The following LINGO2 variants were observed in gnomAD, a reference collection of about 807,000 sequenced individuals.
LINGO2 encodes the protein leucine rich repeat and Ig domain containing 2.
In LINGO2, 14 loss-of-function variants were observed where a neutral mutation model predicts 30.6. That is an observed-to-expected ratio of 0.46 (90% confidence interval 0.30 to 0.72). The LOEUF (loss-of-function observed/expected upper bound fraction) is 0.72, where lower values mean the gene tolerates loss of function less well. Ranked by LOEUF, LINGO2 falls within the 30% of genes least tolerant of loss-of-function variation. The pLI, the probability that LINGO2 is intolerant of heterozygous loss-of-function variation, is 0.07. For missense variants in LINGO2, 729 were observed against 751.7 expected (o/e 0.97, Z 0.35); for synonymous variants, 317 against 288.5 (o/e 1.10, Z -1.00).
At chr9:28,037,318 A>C (rs1426010224) in intron 4 of LINGO2, among the ~76,000 whole-genome samples, 1 of 152,170 alleles carries the variant, frequency 6.6e-6, no homozygotes, top group Non-Finnish European at 1.5e-5. Context: ...ATCTCTTGCC[A>C]TTTCTAGACT....
At chr9:28,140,477 A>G (rs920713504) in intron 4 of LINGO2, among the ~76,000 whole-genome samples, 20 of 152,294 alleles carry the variant, frequency 1.3e-4, no homozygotes, top group Admixed American at 7.2e-4. Context: ...CACACACATC[A>G]TTTAAACCTA....
the LINGO2 span, among the ~76,000 whole-genome samples, chr9:29,137,276 C>T: frequency 6.6e-6 from 1 of 152,102 alleles, no homozygotes; most frequent in Non-Finnish European, 1.5e-5. Flanking sequence ...CAGTAATTTG[C>T]AGGATAGGTT....
chr9:29,014,962 C>T, the LINGO2 span, among the ~76,000 whole-genome samples: 1 of 152,168 alleles, frequency 6.6e-6, no homozygotes, highest in East Asian at 1.9e-4. Flanking sequence ...CTTCCATTGG[C>T]TCTTCTGTTA....
At chr9:28,546,004 T>C (rs1469994106) in intron 1 of LINGO2, among the ~76,000 whole-genome samples, 1 of 152,098 alleles carries the variant, frequency 6.6e-6, no homozygotes, top group Non-Finnish European at 1.5e-5. Flanking sequence ...CTAAGTATTC[T>C]TCACATATTA....
chr9:28,503,991 CT>C (rs940341416), intron 1 of LINGO2, among the ~76,000 whole-genome samples: 4 of 151,898 alleles, frequency 2.6e-5, no homozygotes, highest in Admixed American at 1.3e-4. Context: ...GTGGATACTT[CT>C]TTAACTGCCT....
At chr9:28,958,681 A>G in the LINGO2 span, among the ~76,000 whole-genome samples, 4 of 151,972 alleles carry the variant, frequency 2.6e-5, no homozygotes, top group South Asian at 2.1e-4. Context: ...TGTGAGGTAC[A>G]CTGCAAATGA....
the LINGO2 span, among the ~76,000 whole-genome samples, chr9:29,092,715 A>G: frequency 7.3e-6 from 1 of 137,136 alleles, no homozygotes; most frequent in African/African-American, 2.7e-5. Flanking sequence ...TTAGCATTTA[A>G]AGTTCAAAGT....
At chr9:27,969,577 T>G (rs1258502156) in intron 5 of LINGO2, among the ~76,000 whole-genome samples, 1 of 152,116 alleles carries the variant, frequency 6.6e-6, no homozygotes, top group African/African-American at 2.4e-5. Context: ...TCATTACCAT[T>G]TTGTAGATAA....
the LINGO2 span, among the ~76,000 whole-genome samples, chr9:29,014,938 C>G: frequency 7.2e-5 from 11 of 152,114 alleles, no homozygotes; most frequent in Non-Finnish European, 1.3e-4. Context: ...AAAGGAGACC[C>G]TTTCTAAGAA....
At chr9:29,057,585 AC>A in the LINGO2 span, among the ~76,000 whole-genome samples, 2 of 152,232 alleles carry the variant, frequency 1.3e-5, no homozygotes, top group East Asian at 3.9e-4. Flanking sequence ...GGAGACAGAG[AC>A]TGAGTTTGGG....
At chr9:28,743,142 T>C in the LINGO2 span, among the ~76,000 whole-genome samples, 1 of 152,064 alleles carries the variant, frequency 6.6e-6, no homozygotes, top group South Asian at 2.1e-4. Context: ...TAGTTTTCTA[T>C]GAGTATCTTC....
the LINGO2 span, among the ~76,000 whole-genome samples, chr9:29,212,777 T>C: frequency 2.6e-5 from 4 of 152,152 alleles, no homozygotes; most frequent in Non-Finnish European, 5.9e-5. Context: ...CACCGGCTAC[T>C]CCCTGACTTG....
the LINGO2 span, among the ~76,000 whole-genome samples, chr9:29,191,626 G>A: frequency 0.26 from 39,181 of 151,762 alleles, 5,325 homozygotes; most frequent in East Asian, 0.45. Context: ...ATGAAAACAC[G>A]AAACATTCTG....
At chr9:28,224,281 G>T (rs1472779547) in intron 4 of LINGO2, among the ~76,000 whole-genome samples, 4 of 152,122 alleles carry the variant, frequency 2.6e-5, no homozygotes, top group Admixed American at 2.6e-4. Context: ...AGCCAGGATG[G>T]TCTCGATCTC....
chr9:28,137,124 A>T (rs187010901), intron 4 of LINGO2, among the ~76,000 whole-genome samples: 2 of 151,746 alleles, frequency 1.3e-5, no homozygotes, highest in East Asian at 3.9e-4. Flanking sequence ...GGGACATCTC[A>T]GCCTTTATAA....
the LINGO2 span, among the ~76,000 whole-genome samples, chr9:28,775,075 T>C: frequency 6.6e-6 from 1 of 152,112 alleles, no homozygotes; most frequent in African/African-American, 2.4e-5. Context: ...TGTGTGCGGA[T>C]ATTGCTGGTG....
At chr9:28,806,827 T>G in the LINGO2 span, among the ~76,000 whole-genome samples, 2 of 152,172 alleles carry the variant, frequency 1.3e-5, no homozygotes, top group East Asian at 3.9e-4. Context: ...GCTAGCCTCC[T>G]GTAAAGTCCT....
the LINGO2 span, among the ~76,000 whole-genome samples, chr9:28,938,903 A>C: frequency 3.3e-5 from 5 of 152,314 alleles, no homozygotes; most frequent in African/African-American, 1.2e-4. Context: ...TGTAATGTTA[A>C]GAAATAAGAG....
intron 4 of LINGO2, among the ~76,000 whole-genome samples, chr9:28,049,583 AG>A (rs1824577084): frequency 6.6e-6 from 1 of 150,718 alleles, no homozygotes; most frequent in African/African-American, 2.5e-5. Flanking sequence ...GTTTAAGTCT[AG>A]ATTTTACCGC....
Sources: gnomAD v4.1 joint callset for allele counts (sites outside exome capture counted in the v4.1 genomes callset) on GRCh38, gnomAD v4.1.1 for gene constraint, MANE v1.5 for transcripts, NCBI Gene and HGNC (gene_info 2026-07-23, HGNC 2026-07-21) for gene names.